CLSTN2: variants seen among roughly 807,000 people sequenced by gnomAD.
CLSTN2 encodes the protein calsyntenin 2, also known as calsyntenin-2.
In CLSTN2, 48 loss-of-function variants were observed where a neutral mutation model predicts 101.2. The observed-to-expected ratio is 0.47, with a 90% CI of 0.38 to 0.60. The LOEUF (loss-of-function observed/expected upper bound fraction) is 0.60, where lower values mean the gene tolerates loss of function less well. CLSTN2 is among the 20% of genes least tolerant of loss of function. CLSTN2 has a pLI of 0.00. For missense variants in CLSTN2, 1,160 were observed against 1,238.2 expected (o/e 0.94, Z 0.95); for synonymous variants, 481 against 463.6 (o/e 1.04, Z -0.48).
intron 2 of CLSTN2, among the ~76,000 whole-genome samples, chr3:140,287,837 T>C (rs574596973): frequency 6.6e-6 from 1 of 152,294 alleles, no homozygotes; most frequent in East Asian, 1.9e-4. Flanking sequence ...CCCCAAATCA[T>C]TGAGCCATTT....
intron 9 of CLSTN2, among the ~76,000 whole-genome samples, chr3:140,535,705 G>T (rs1212371972): frequency 6.6e-6 from 1 of 152,224 alleles, no homozygotes; most frequent in African/African-American, 2.4e-5. Context: ...GGTGTTCACA[G>T]TTCTGAAATA....
At chr3:140,559,098 G>A (rs1576626823) in intron 12 of CLSTN2, among the ~76,000 whole-genome samples, 1 of 151,366 alleles carries the variant, frequency 6.6e-6, no homozygotes, top group East Asian at 1.9e-4. Context: ...GTGCTAAATG[G>A]TAAGTGAAAA....
rs2088518207 is a variant in CLSTN2, at chr3:140,422,621, A to G, written c.787+1347A>G. Among the ~76,000 whole-genome samples the G allele has an allele frequency of 2.0e-5, 3 of 152,234 alleles. No individual in the cohort carries two copies. The South Asian group carries it at 6.2e-4, about 32-fold the overall frequency. ...AGTAAAGGAACCACAGGTAAGGCAC[A>G]TGAGAGGTAAAGAACAAAGCAGAGT... On this transcript the variant is annotated intron_variant, in intron 5 of 16. Transcript: ENST00000458420.
At chr3:139,958,708 GA>G (rs1486852031) in intron 1 of CLSTN2, among the ~76,000 whole-genome samples, 3 of 151,568 alleles carry the variant, frequency 2.0e-5, no homozygotes, top group Non-Finnish European at 2.9e-5. Context: ...CTTATGCAAA[GA>G]AAACCCCACA....
chr3:140,094,782 G>C (rs2008840479), intron 1 of CLSTN2, among the ~76,000 whole-genome samples: 1 of 152,288 alleles, frequency 6.6e-6, no homozygotes, highest in South Asian at 2.1e-4. Flanking sequence ...ATACTGTCAG[G>C]GGGCTCTCCT....
rs544883882 is a variant in CLSTN2, at chr3:140,239,268, T to C, written c.232+63195T>C. 3.3e-5 allele frequency among the ~76,000 whole-genome samples: 5 copies of C among 152,254 alleles called. No individual in the cohort carries two copies. In the East Asian group the frequency reaches 7.7e-4, roughly 24 times the overall value. ...GTTTTTGTTAGAGTTGCAGAATAGA[T>C]ACACACATACAAATACATACACGTA... On this transcript the variant is annotated intron_variant, in intron 2 of 16. Transcript: ENST00000458420.
At chr3:139,965,396 A>G (rs2107816353) in intron 1 of CLSTN2, among the ~76,000 whole-genome samples, 1 of 152,276 alleles carries the variant, frequency 6.6e-6, no homozygotes, top group Admixed American at 6.5e-5. Context: ...TGGAGGCAGA[A>G]GTCAAGCTGA....
At chr3:140,330,653 G>T (rs939370330) in intron 2 of CLSTN2, among the ~76,000 whole-genome samples, 1 of 152,150 alleles carries the variant, frequency 6.6e-6, no homozygotes, top group African/African-American at 2.4e-5. Context: ...CCAAGATAAA[G>T]GTTCACCATA....
intron 1 of CLSTN2, among the ~76,000 whole-genome samples, chr3:140,133,859 A>G (rs981148518): frequency 3.9e-5 from 6 of 152,226 alleles, no homozygotes; most frequent in Admixed American, 6.5e-5. Flanking sequence ...TAGCCTGAGC[A>G]TGGAGAAACT....
At chr3:140,552,906 C>T (rs1190119484) in intron 10 of CLSTN2, among the ~76,000 whole-genome samples, 2 of 152,230 alleles carry the variant, frequency 1.3e-5, no homozygotes, top group African/African-American at 4.8e-5. Flanking sequence ...CCTTTTAAAA[C>T]ATAGATGGTA....
intron 1 of CLSTN2, among the ~76,000 whole-genome samples, chr3:139,973,133 C>T (rs756754581): frequency 6.6e-6 from 1 of 152,208 alleles, no homozygotes; most frequent in Admixed American, 6.5e-5. Context: ...TGAGGTGAGG[C>T]CTTGTAGCCA....
In CLSTN2 at chr3:140,132,273, T is replaced by C. The variant is rs1053178300; in HGVS notation, c.110-43678T>C. On this transcript the variant is annotated intron_variant, in intron 1 of 16. Transcript: ENST00000458420. ...TGATAGCACTTAAATAATTATTTTT[T>C]TGTGTGTTTGAAGGTGAATAATAAA... Among the ~76,000 whole-genome samples the C allele has an allele frequency of 2.6e-5, 4 of 152,346 alleles. No homozygotes were observed. The South Asian group carries it at 6.2e-4, about 24-fold the overall frequency.
rs750492317 is a variant in CLSTN2, at chr3:140,388,077, G to A, written c.233-15552G>A. Reference sequence around the variant, plus strand: ...CACCAGCAGTAGCTGAAATCTTGCCGTGGTTTAACGTCTTGCCTGAAATTA... The same window carrying A: ...CACCAGCAGTAGCTGAAATCTTGCCATGGTTTAACGTCTTGCCTGAAATTA... On this transcript the variant is annotated intron_variant, in intron 2 of 16. Transcript: ENST00000458420. Among the ~76,000 whole-genome samples the A allele has an allele frequency of 5.9e-5, 9 of 152,316 alleles. No homozygotes were observed. The South Asian group carries it at 6.2e-4, about 11-fold the overall frequency.
At chr3:140,400,389 G>A (rs1366500258) in intron 2 of CLSTN2, among the ~76,000 whole-genome samples, 1 of 152,104 alleles carries the variant, frequency 6.6e-6, no homozygotes, top group Non-Finnish European at 1.5e-5. Flanking sequence ...CAAAACAGAG[G>A]TTCAAAGATA....
intron 12 of CLSTN2, among the ~76,000 whole-genome samples, chr3:140,559,318 T>C (rs1270277414): frequency 1.3e-5 from 2 of 152,272 alleles, no homozygotes; most frequent in East Asian, 3.9e-4. Flanking sequence ...TGTGTTATTC[T>C]GGTAATCAGA....
intron 2 of CLSTN2, among the ~76,000 whole-genome samples, chr3:140,352,079 A>C (rs1157253442): frequency 6.6e-6 from 1 of 152,188 alleles, no homozygotes; most frequent in African/African-American, 2.4e-5. Flanking sequence ...AGATTGAGCT[A>C]ATCTTCCTAA....
At chr3:140,444,689 A>C (rs1933035407) in intron 5 of CLSTN2, among the ~76,000 whole-genome samples, 2 of 152,200 alleles carry the variant, frequency 1.3e-5, no homozygotes, top group Non-Finnish European at 2.9e-5. Flanking sequence ...TGGTACTGAA[A>C]TGACTCTGCA....
chr3:140,153,985 A>G (rs1369413994), intron 1 of CLSTN2, among the ~76,000 whole-genome samples: 1 of 152,218 alleles, frequency 6.6e-6, no homozygotes, highest in African/African-American at 2.4e-5. Flanking sequence ...ATTTCCGGGC[A>G]CTGTCTAAGC....
chr3:140,323,133 G>A (rs2087299317), intron 2 of CLSTN2, among the ~76,000 whole-genome samples: 1 of 152,200 alleles, frequency 6.6e-6, no homozygotes, highest in South Asian at 2.1e-4. Flanking sequence ...GGAAACGGAG[G>A]GGTTCTGTCC....
Sources: gnomAD v4.1 joint callset for allele counts (sites outside exome capture counted in the v4.1 genomes callset) on GRCh38, gnomAD v4.1.1 for gene constraint, MANE v1.5 for transcripts, NCBI Gene and HGNC (gene_info 2026-07-23, HGNC 2026-07-21) for gene names.